The following IL19 variants were observed in gnomAD, a reference collection of about 807,000 sequenced individuals.
The protein encoded by IL19 is interleukin 19.
In IL19, 15 loss-of-function variants were observed where a neutral mutation model predicts 19.5. The observed-to-expected ratio is 0.77, with a 90% CI of 0.52 to 1.19. The LOEUF is 1.19. Among genes scored for constraint, IL19 ranks in the 50% most tolerant of loss-of-function variants. The probability of loss-of-function intolerance (pLI) is 0.00; values close to 1 mark genes in which losing one functional copy is unlikely to be tolerated. For missense variants in IL19, 199 were observed against 213.1 expected, an observed-to-expected ratio of 0.93 and a Z score of 0.41; for synonymous variants, 78 against 78.3, an observed-to-expected ratio of 1.00 and a Z score of 0.02.
intron 2 of IL19, among the ~76,000 whole-genome samples, chr1:206,811,884 T>C (rs941383907): frequency 2.6e-5 from 4 of 152,236 alleles, no homozygotes; most frequent in African/African-American, 9.6e-5. Flanking sequence ...AGTGCAGATT[T>C]GCTTTCCTGT....
intron 2 of IL19, among the ~76,000 whole-genome samples, chr1:206,814,511 C>T (rs780177010): frequency 1.3e-5 from 2 of 148,354 alleles, no homozygotes; most frequent in African/African-American, 5.0e-5. Flanking sequence ...ACCAATATGG[C>T]GAAACCCTGT....
At chr1:206,785,989 T>G (rs1397559089) in intron 1 of IL19, among the ~76,000 whole-genome samples, 1 of 150,180 alleles carries the variant, frequency 6.7e-6, no homozygotes, top group East Asian at 2.0e-4. Context: ...AACTGTGTGT[T>G]AGGGAGGGGT....
At chr1:206,778,859 C>G (rs10494879) in intron 1 of IL19, among the ~76,000 whole-genome samples, 54,108 of 152,082 alleles carry the variant, frequency 0.36, 10,242 homozygotes, top group Non-Finnish European at 0.42. Flanking sequence ...AGAACCTCCA[C>G]ATTTTTCTTC....
intron 2 of IL19, chr1:206,834,454 C>T: frequency 1.0e-6 from 1 of 985,506 alleles, no homozygotes; most frequent in Non-Finnish European, 1.2e-6. Context: ...CATCCTAGCC[C>T]TCCTCCTTCA....
At chr1:206,782,489 G>A (rs1349446555) in intron 1 of IL19, among the ~76,000 whole-genome samples, 1 of 152,202 alleles carries the variant, frequency 6.6e-6, no homozygotes, top group Non-Finnish European at 1.5e-5. Context: ...TCAGAGGCAG[G>A]TGCAGAGGAT....
At chr1:206,823,210 C>T (rs1334422160) in intron 2 of IL19, among the ~76,000 whole-genome samples, 1 of 152,016 alleles carries the variant, frequency 6.6e-6, no homozygotes, top group African/African-American at 2.4e-5. Flanking sequence ...GAGGCATATG[C>T]CACCGCACCT....
chr1:206,793,428 T>C (rs1675449553), intron 1 of IL19, among the ~76,000 whole-genome samples: 1 of 152,208 alleles, frequency 6.6e-6, no homozygotes, highest in Non-Finnish European at 1.5e-5. Flanking sequence ...GGCCCCTGGT[T>C]CCCTTGAGGG....
intron 2 of IL19, among the ~76,000 whole-genome samples, chr1:206,800,652 A>C (rs544250362): frequency 1.3e-5 from 2 of 152,224 alleles, no homozygotes; most frequent in African/African-American, 4.8e-5. Flanking sequence ...GATGGTGATC[A>C]AGCCCTTCCA....
At chr1:206,827,518 G>A (rs931650226) in intron 2 of IL19, among the ~76,000 whole-genome samples, 6 of 151,920 alleles carry the variant, frequency 3.9e-5, no homozygotes, top group Admixed American at 3.3e-4. Context: ...GTGAAACCCC[G>A]TCTCTACTAA....
chr1:206,773,786 C>G (rs1258458158), intron 1 of IL19, among the ~76,000 whole-genome samples: 1 of 152,174 alleles, frequency 6.6e-6, no homozygotes, highest in Admixed American at 6.5e-5. Context: ...GGGGCTTTGC[C>G]TGCCATTCCA....
chr1:206,803,059 C>T (rs182867851), intron 2 of IL19, among the ~76,000 whole-genome samples: 55 of 152,290 alleles, frequency 3.6e-4, no homozygotes, highest in South Asian at 1.7e-3. Flanking sequence ...ACTAGTCTTA[C>T]TCAGAATTCC....
intron 2 of IL19, among the ~76,000 whole-genome samples, chr1:206,807,607 T>C (rs1480070739): frequency 1.3e-5 from 2 of 152,230 alleles, no homozygotes; most frequent in Non-Finnish European, 1.5e-5. Context: ...AAAATAAGTT[T>C]CCTTTGTTTT....
At chr1:206,793,338 G>C (rs1339218699) in intron 1 of IL19, among the ~76,000 whole-genome samples, 5 of 152,310 alleles carry the variant, frequency 3.3e-5, no homozygotes, top group African/African-American at 9.6e-5. Context: ...ACGTGAGCTG[G>C]GCCCCAGGAG....
At chr1:206,840,082 C>T (rs745905954) in intron 5 of IL19, 80 bp downstream of exon 5, 2 of 1,472,694 alleles carry the variant, frequency 1.4e-6, no homozygotes, top group South Asian at 2.3e-5. Flanking sequence ...CCCCATCGGC[C>T]TCCTGATATG....
chr1:206,831,996 G>A (rs1286864925), intron 2 of IL19, among the ~76,000 whole-genome samples: 2 of 152,254 alleles, frequency 1.3e-5, no homozygotes, highest in Admixed American at 1.3e-4. Context: ...TACATGTGCA[G>A]CTGGGCTCTG....
rs79008412 is a variant in IL19 at position 206,794,347 on chromosome 1, T to C, written c.-148-4514T>C. Among the ~76,000 whole-genome samples, 1,308 of 152,318 alleles carry C rather than the reference T, an allele frequency of 8.6e-3. 16 individuals are homozygous for C. The highest frequency in any genetic ancestry group is 0.03 in the African/African-American group (1,257 of 41,570). ...GTGGTGGTTTATTTCACTCTATTTC[T>C]GTCTACGGTCCGTCACATCTTACAC... On this transcript the variant is annotated intron_variant, in intron 1 of 6. Transcript: ENST00000659997.
intron 4 of IL19, among the ~76,000 whole-genome samples, chr1:206,838,736 T>TTTCCCTTCCCTTCCC (rs528779104): frequency 3.1e-4 from 36 of 117,198 alleles, no homozygotes; most frequent in African/African-American, 5.2e-4. Context: ...CTTCCCTTCC[T>TTTCCCTTCCCTTCCC]TTCCCTTCCC....
At chr1:206,791,444 A>C (rs1454772557) in intron 1 of IL19, among the ~76,000 whole-genome samples, 1 of 152,052 alleles carries the variant, frequency 6.6e-6, no homozygotes, top group Non-Finnish European at 1.5e-5. Context: ...CTGGGATCAC[A>C]GGCGCCGGCC....
At chr1:206,840,208 G>A (rs1181850514) in intron 5 of IL19, 2 of 705,174 alleles carry the variant, frequency 2.8e-6, no homozygotes, top group African/African-American at 3.5e-5. Context: ...TCCTCAGATG[G>A]TCTCCTCCTA....
Sources: gnomAD v4.1 joint callset for allele counts (sites outside exome capture counted in the v4.1 genomes callset) on GRCh38, gnomAD v4.1.1 for gene constraint, MANE v1.5 for transcripts, NCBI Gene and HGNC (gene_info 2026-07-23, HGNC 2026-07-21) for gene names.